SLC45A2: variants seen among roughly 807,000 people sequenced by gnomAD.
SLC45A2 encodes the protein membrane-associated transporter protein.
In SLC45A2, 36 loss-of-function variants were observed where a neutral mutation model predicts 45.5. That is an observed-to-expected ratio of 0.79 (90% CI 0.61 to 1.04). The LOEUF (loss-of-function observed/expected upper bound fraction) is 1.04, where lower values mean the gene tolerates loss of function less well. SLC45A2 is among the 50% of genes least tolerant of loss of function. The pLI is 0.00. For missense variants in SLC45A2, 719 were observed against 671.0 expected (o/e 1.07, Z -0.79); for synonymous variants, 306 against 269.3 (o/e 1.14, Z -1.33).
Position 33,954,435 on chromosome 5 carries a change from G to C in SLC45A2, c.958C>G (p.Leu320Val), listed in dbSNP as rs774134420. ...CATCCAATGAGGTGGCTGATGCAAAGGTAGCGGTAGTGAGGAGGCATGTTC... is the reference window on the plus strand; with the variant it reads ...CATCCAATGAGGTGGCTGATGCAAACGTAGCGGTAGTGAGGAGGCATGTTC... ...LVNMPPHYRYLCISHLIGWTA... is the reference protein window; with the variant it reads ...LVNMPPHYRYVCISHLIGWTA... The change falls in exon 4 of 7, where the codon CTT (leucine) becomes GTT (valine). Residue 320 changes from leucine (L) to valine (V), a missense_variant. Coordinates refer to ENST00000296589, the MANE Select transcript of SLC45A2 (RefSeq NM_016180.5). 2 of 1,614,106 alleles carry C rather than the reference G, an allele frequency of 1.2e-6. No individual in the cohort carries two copies. The highest frequency in any genetic ancestry group is 1.7e-5 in the Admixed American group (1 of 59,978).
At chr5:33,955,932 A>T in intron 3 of SLC45A2, among the ~76,000 whole-genome samples, 1 of 151,750 alleles carries the variant, frequency 6.6e-6, no homozygotes, top group Non-Finnish European at 1.5e-5. Context: ...TGAAACACTG[A>T]TTTTTTTTTA....
At chr5:33,969,067 G>C (rs187692103) in intron 2 of SLC45A2, among the ~76,000 whole-genome samples, 2,086 of 33,142 alleles carry the variant, frequency 0.063, 24 homozygotes, top group South Asian at 0.14. Context: ...CTCTCTCTCT[G>C]TGTGTGTGTG....
intron 2 of SLC45A2, among the ~76,000 whole-genome samples, chr5:33,965,083 A>T (rs1425649182): frequency 6.6e-6 from 1 of 152,220 alleles, no homozygotes; most frequent in Non-Finnish European, 1.5e-5. Flanking sequence ...TCAAACTCCC[A>T]TCATGCCTAC....
At chr5:33,949,338 G>A (rs1339368694) in intron 5 of SLC45A2, among the ~76,000 whole-genome samples, 1 of 152,176 alleles carries the variant, frequency 6.6e-6, no homozygotes, top group Non-Finnish European at 1.5e-5. Flanking sequence ...AGGTGCAGGG[G>A]GAAGAAAACT....
chr5:33,944,648 C>G lies in SLC45A2; in HGVS notation c.1593G>C (p.Ter531TyrextTer?). Residue 531 changes from the stop codon to tyrosine, a stop_lost, in exon 7 of 7, where the codon TAG (stop) becomes TAC (tyrosine). Coordinates refer to ENST00000296589, the MANE Select transcript of SLC45A2 (RefSeq NM_016180.5). ...TTAGGGTCATTGTCTCTTTATTGAC[C>G]TAATCCACATATCTAACAAAGAGAG... Reference protein sequence around the residue: ...FVALFVRYVD* With the variant: ...FVALFVRYVDY 1 of 1,613,972 alleles carries G rather than the reference C, an allele frequency of 6.2e-7. No individual in the cohort carries two copies. Among genetic ancestry groups the G allele is most frequent in the East Asian group, 2.2e-5 (1 of 44,886 alleles).
At chr5:33,950,206 C>CA (rs1031925805) in intron 5 of SLC45A2, among the ~76,000 whole-genome samples, 119 of 151,058 alleles carry the variant, frequency 7.9e-4, no homozygotes, top group African/African-American at 2.6e-3. Flanking sequence ...AGAAGAAAAA[C>CA]AAAAAAAAGC....
chr5:33,972,558 G>C (rs1424595680), intron 2 of SLC45A2: 1 of 175,430 alleles, frequency 5.7e-6, no homozygotes, highest in Non-Finnish European at 1.2e-5. Context: ...AAGCAGGAAG[G>C]CATCATGAAA....
chr5:33,951,827 G>C, intron 4 of SLC45A2, 150 bp from the exon 5 acceptor site: 1 of 904,802 alleles, frequency 1.1e-6, no homozygotes, highest in Non-Finnish European at 1.8e-6. Context: ...TGACCAAGTC[G>C]CATCCTATCA....
chr5:33,947,481 A>G, intron 5 of SLC45A2, 107 bp from the exon 6 acceptor site: 1 of 1,066,436 alleles, frequency 9.4e-7, no homozygotes, highest in Non-Finnish European at 1.4e-6. Context: ...ACATCCTTTG[A>G]TACTGAGCCA....
chr5:33,966,685 T>C (rs1374122220), intron 2 of SLC45A2, among the ~76,000 whole-genome samples: 1 of 152,186 alleles, frequency 6.6e-6, no homozygotes, highest in Non-Finnish European at 1.5e-5. Context: ...AGAGTCATTA[T>C]TGGTGCTAGT....
At chr5:33,945,828 A>G (rs1464652063) in intron 6 of SLC45A2, 3 of 533,710 alleles carry the variant, frequency 5.6e-6, no homozygotes, top group Middle Eastern at 9.4e-4. Context: ...AAAAACGCAT[A>G]TTATCCTTTG....
intron 2 of SLC45A2, among the ~76,000 whole-genome samples, chr5:33,969,142 C>T (rs770768285): frequency 3.3e-5 from 5 of 149,314 alleles, no homozygotes; most frequent in Non-Finnish European, 7.4e-5. Context: ...GTTAGAGCAC[C>T]TATCTTCACC....
Position 33,963,833 on chromosome 5 carries a change from A to G in SLC45A2, c.746T>C (p.Ile249Thr). Residue 249 changes from isoleucine to threonine, a missense_variant, in exon 3 of 7, where the codon ATT becomes ACT. By Grantham distance (89) the Ile-to-Thr change is moderately conservative (BLOSUM62 -1). Coordinates refer to ENST00000296589, the MANE Select transcript of SLC45A2 (RefSeq NM_016180.5). ...EAPLTEVAKG[I>T]PPQQTPQDPP... ...GTCCTGAGGGGTTTGCTGTGGGGGAATGCCCTTTGCAACCTCTGTAAGTGG... is the reference window on the plus strand; with the variant it reads ...GTCCTGAGGGGTTTGCTGTGGGGGAGTGCCCTTTGCAACCTCTGTAAGTGG... 1 of 1,614,180 alleles carries G rather than the reference A, an allele frequency of 6.2e-7. No homozygotes were observed. Among genetic ancestry groups the G allele is most frequent in the East Asian group, 2.2e-5 (1 of 44,884 alleles).
chr5:33,947,266 T>C lies in SLC45A2; in HGVS notation c.1265A>G (p.Tyr422Cys). Residue 422 changes from tyrosine to cysteine, a missense_variant, in exon 6 of 7, where the codon TAC becomes TGC. By Grantham distance (194) the Tyr-to-Cys change is radical (BLOSUM62 -2). Coordinates refer to ENST00000296589, the MANE Select transcript of SLC45A2 (RefSeq NM_016180.5). The stretch of plus-strand genomic sequence containing the variant: ...CAGGCTGCACAGGACCAGGGTGGAG[T>C]AGACATTCGGGAAGAGCCCAATAAA... ...TGFIGLFPNV[Y>C]STLVLCSLFG... The C allele has an allele frequency of 1.5e-5, 25 of 1,613,778 alleles. No homozygotes were observed. Among genetic ancestry groups the C allele is most frequent in the Non-Finnish European group, 2.1e-5 (25 of 1,179,962 alleles).
At chr5:33,974,557 C>T (rs188347466) in intron 2 of SLC45A2, among the ~76,000 whole-genome samples, 1 of 152,126 alleles carries the variant, frequency 6.6e-6, no homozygotes, top group East Asian at 1.9e-4. Context: ...ACTGAACATG[C>T]CTCTGCCGGA....
chr5:33,977,876 C>T (rs1390186281), intron 2 of SLC45A2, among the ~76,000 whole-genome samples: 1 of 152,162 alleles, frequency 6.6e-6, no homozygotes, highest in African/African-American at 2.4e-5. Context: ...ACCCATGAGG[C>T]ACATAGGGAG....
chr5:33,946,073 A>T, intron 6 of SLC45A2: 1 of 985,418 alleles, frequency 1.0e-6, no homozygotes, highest in Non-Finnish European at 1.2e-6. Flanking sequence ...TAACATCCCC[A>T]GTGTAACACA....
chr5:33,946,833 G>A, intron 6 of SLC45A2: 2 of 1,291,744 alleles, frequency 1.5e-6, no homozygotes, highest in Non-Finnish European at 2.0e-6. Flanking sequence ...AGAAGACCTG[G>A]GTCCCCCTTT....
intron 2 of SLC45A2, among the ~76,000 whole-genome samples, chr5:33,965,521 G>A (rs1197771337): frequency 6.6e-6 from 1 of 152,158 alleles, no homozygotes; most frequent in Non-Finnish European, 1.5e-5. Context: ...TGGCCAATGG[G>A]GCACAGTGAA....
Sources: gnomAD v4.1 joint callset for allele counts (sites outside exome capture counted in the v4.1 genomes callset) on GRCh38, gnomAD v4.1.1 for gene constraint, MANE v1.5 for transcripts, NCBI Gene and HGNC (gene_info 2026-07-23, HGNC 2026-07-21) for gene names.